The following SND1 variants were observed in gnomAD, a reference collection of about 807,000 sequenced individuals.
The protein encoded by SND1 is staphylococcal nuclease domain-containing protein 1.
In SND1, 38 loss-of-function variants were observed where a neutral mutation model predicts 121.7. The ratio of observed to expected loss-of-function variants is 0.31; its 90% CI spans 0.24 to 0.41. The LOEUF (loss-of-function observed/expected upper bound fraction) is 0.41. SND1 is among the 10% of genes least tolerant of loss of function. The probability of loss-of-function intolerance (pLI) is 1.00; values close to 1 mark genes in which losing one functional copy is unlikely to be tolerated. For missense variants in SND1, 868 were observed against 1,184.6 expected (o/e 0.73, Z 3.92); for synonymous variants, 401 against 447.4 (o/e 0.90, Z 1.31).
chr7:128,074,599 C>T lies in SND1; in HGVS notation c.1877C>T (p.Ala626Val), dbSNP rs1584774741. ...ANLSVLLVEH[A>V]LSKVHFTAER... Reference sequence around the variant, plus strand: ...CTGTCCGTCCTGCTGGTGGAGCACGCGCTCTCCAAGGTCCACTTCACCGCC... The same window carrying T: ...CTGTCCGTCCTGCTGGTGGAGCACGTGCTCTCCAAGGTCCACTTCACCGCC... Residue 626 changes from alanine (A) to valine (V), a missense_variant, in exon 17 of 24, where the codon GCG (alanine) becomes GTG (valine). Coordinates refer to ENST00000354725, the MANE Select transcript of SND1 (RefSeq NM_014390.4). 1.2e-6 allele frequency: 2 copies of T among 1,613,810 alleles called. No individual in the cohort carries two copies. The highest frequency in any genetic ancestry group is 1.1e-5 in the South Asian group (1 of 91,076).
At chr7:128,017,233 G>A (rs1157864086) in intron 16 of SND1, among the ~76,000 whole-genome samples, 2 of 152,150 alleles carry the variant, frequency 1.3e-5, no homozygotes, top group Non-Finnish European at 2.9e-5. Flanking sequence ...GTTAGGGTAG[G>A]GAGGTTCTTC....
At chr7:128,035,726 A>G (rs902198605) in intron 16 of SND1, among the ~76,000 whole-genome samples, 8 of 152,344 alleles carry the variant, frequency 5.3e-5, no homozygotes, top group Admixed American at 2.0e-4. Flanking sequence ...TGGGATAAAG[A>G]AGAGTCTTCA....
At position 127,862,968 on chromosome 7, in the gene SND1, T is replaced by A. The variant is rs182838854; in HGVS notation, c.1343+18544T>A. 2.0e-5 allele frequency among the ~76,000 whole-genome samples: 3 copies of A among 152,348 alleles called. No homozygotes were observed. In the East Asian group the frequency reaches 5.8e-4, roughly 29 times the overall value. On this transcript the variant is annotated intron_variant, in intron 12 of 23. Transcript: ENST00000354725. ...TTCTTTGAGAACATGTCCCTTGATG[T>A]CTATATTTTGATTTTTTTCTTCTAA...
At chr7:127,659,486 A>T (rs2116229495) in intron 1 of SND1, among the ~76,000 whole-genome samples, 1 of 152,296 alleles carries the variant, frequency 6.6e-6, no homozygotes, top group South Asian at 2.1e-4. Context: ...CATTTTCTTC[A>T]CTTATGTGCT....
chr7:127,664,003 GCA>G (rs1306738613), intron 1 of SND1, among the ~76,000 whole-genome samples: 2 of 152,128 alleles, frequency 1.3e-5, no homozygotes, highest in Non-Finnish European at 2.9e-5. Flanking sequence ...GGTCTTCTTG[GCA>G]CAGAGCTCCT....
At position 127,998,387 on chromosome 7, in the gene SND1, G is replaced by A. The variant is rs778302292; in HGVS notation, c.1779+7331G>A. 2.4e-4 allele frequency: 40 copies of A among 169,256 alleles called. 1 individual carries two copies. Among genetic ancestry groups the A allele is most frequent in the Non-Finnish European group, 4.2e-4 (32 of 76,828 alleles). 10.5% of individuals were successfully genotyped at this position (169,256 alleles called of 1,614,324 possible). ...TGTCTCTCCAGCCAGTATATTTAAA[G>A]GTAATGAGATAATGATGAGTGTTTT... On this transcript the variant is annotated intron_variant, in intron 16 of 23. Coordinates refer to ENST00000354725, the MANE Select transcript of SND1 (RefSeq NM_014390.4).
chr7:127,705,082 G>C, intron 8 of SND1, 137 bp downstream of exon 8: 1 of 686,222 alleles, frequency 1.5e-6, no homozygotes, highest in Non-Finnish European at 2.6e-6. Context: ...GTTCCTTATA[G>C]AGGAGTGACT....
intron 17 of SND1, among the ~76,000 whole-genome samples, chr7:128,079,296 CA>C (rs1793558513): frequency 6.6e-6 from 1 of 152,268 alleles, no homozygotes; most frequent in African/African-American, 2.4e-5. Flanking sequence ...CACTTCCCCA[CA>C]TGGGCAGGAA....
chr7:127,852,847 C>A (rs751114212), intron 12 of SND1, among the ~76,000 whole-genome samples: 2 of 151,994 alleles, frequency 1.3e-5, no homozygotes, highest in African/African-American at 2.4e-5. Flanking sequence ...ACACCCTCTT[C>A]TGTTGTCTGA....
intron 15 of SND1, among the ~76,000 whole-genome samples, chr7:127,985,241 G>A (rs1802360196): frequency 6.6e-6 from 1 of 152,166 alleles, no homozygotes; most frequent in African/African-American, 2.4e-5. Context: ...TAAGCCCCGT[G>A]ATTGAGTTGT....
chr7:127,777,456 G>T (rs1178105425), intron 10 of SND1, among the ~76,000 whole-genome samples: 1 of 152,192 alleles, frequency 6.6e-6, no homozygotes, highest in Non-Finnish European at 1.5e-5. Context: ...ACAGATTTGG[G>T]TGTCTAGACT....
intron 12 of SND1, among the ~76,000 whole-genome samples, chr7:127,882,969 C>T (rs146371427): frequency 1.7e-3 from 260 of 152,230 alleles, no homozygotes; most frequent in African/African-American, 5.9e-3. Flanking sequence ...CTCTCCATGT[C>T]AGCTAGAAAC....
intron 12 of SND1, among the ~76,000 whole-genome samples, chr7:127,882,380 GAGGA>G (rs1395954296): frequency 7.2e-6 from 1 of 138,354 alleles, no homozygotes; most frequent in African/African-American, 2.7e-5. Context: ...GGAAGGGAGG[GAGGA>G]AGGGAGGGAG....
chr7:127,877,966 T>C (rs1461304525), intron 12 of SND1, among the ~76,000 whole-genome samples: 1 of 152,102 alleles, frequency 6.6e-6, no homozygotes, highest in Non-Finnish European at 1.5e-5. Context: ...AATGACTTTT[T>C]TCTCCCCGTT....
At chr7:127,993,540 C>A (rs1802568543) in intron 16 of SND1, among the ~76,000 whole-genome samples, 3 of 152,258 alleles carry the variant, frequency 2.0e-5, no homozygotes, top group Non-Finnish European at 4.4e-5. Context: ...CAGTGCACGA[C>A]AGTGCAGGAA....
At chr7:128,010,570 T>C (rs1036348066) in intron 16 of SND1, among the ~76,000 whole-genome samples, 1 of 152,224 alleles carries the variant, frequency 6.6e-6, no homozygotes, top group African/African-American at 2.4e-5. Flanking sequence ...CCACAGGTTG[T>C]TCAGCACCAG....
At chr7:127,848,043 G>A (rs1054872152) in intron 12 of SND1, among the ~76,000 whole-genome samples, 8 of 152,186 alleles carry the variant, frequency 5.3e-5, no homozygotes, top group African/African-American at 1.2e-4. Context: ...TGGTACTCAG[G>A]TTTTGGTCTT....
At chr7:127,872,354 G>T (rs989211489) in intron 12 of SND1, among the ~76,000 whole-genome samples, 1 of 152,120 alleles carries the variant, frequency 6.6e-6, no homozygotes, top group Non-Finnish European at 1.5e-5. Flanking sequence ...TTGCTTTCTG[G>T]CCTGAGAGGG....
At chr7:128,049,878 C>T (rs1793017438) in intron 16 of SND1, among the ~76,000 whole-genome samples, 1 of 152,148 alleles carries the variant, frequency 6.6e-6, no homozygotes. Context: ...AAAAGAGATT[C>T]TGAGCTAATG....
Sources: allele counts gnomAD v4.1 joint callset (sites outside exome capture counted in the v4.1 genomes callset), GRCh38; gene constraint gnomAD v4.1.1; transcripts MANE v1.5; gene names NCBI Gene and HGNC (gene_info 2026-07-23, HGNC 2026-07-21).